LYRM4: variants seen among roughly 807,000 people sequenced by gnomAD.
The protein encoded by LYRM4 is LYR motif containing 4, also known as LYR motif-containing protein 4.
A neutral mutation model predicts 11.7 loss-of-function variants in LYRM4; 9 were observed. That is an observed-to-expected ratio of 0.77 (90% confidence interval 0.46 to 1.34). The LOEUF (loss-of-function observed/expected upper bound fraction) is 1.34, where lower values mean the gene tolerates loss of function less well. Among genes scored for constraint, LYRM4 ranks in the 40% most tolerant of loss-of-function variants. The pLI is 0.00. For missense variants in LYRM4, 133 were observed against 112.5 expected, an observed-to-expected ratio of 1.18 and a Z score of -0.82; for synonymous variants, 42 against 40.4, an observed-to-expected ratio of 1.04 and a Z score of -0.15.
At chr6:5,197,492 TG>T (rs1222520888) in intron 2 of LYRM4, among the ~76,000 whole-genome samples, 1 of 151,806 alleles carries the variant, frequency 6.6e-6, no homozygotes, top group African/African-American at 2.4e-5. Flanking sequence ...GCCAAGATGG[TG>T]AAACCCCGTC....
intron 2 of LYRM4, among the ~76,000 whole-genome samples, chr6:5,173,129 C>T (rs1759524152): frequency 6.6e-6 from 1 of 152,106 alleles, no homozygotes; most frequent in Non-Finnish European, 1.5e-5. Flanking sequence ...CTGCTAATGA[C>T]TTCTGCAGAC....
chr6:5,057,684 T>C, the LYRM4 span, among the ~76,000 whole-genome samples: 2 of 148,102 alleles, frequency 1.4e-5, no homozygotes, highest in African/African-American at 2.5e-5. Context: ...CACAGCACTC[T>C]AGCCTGGGCG....
At chr6:5,151,095 T>C (rs1758063493) in intron 2 of LYRM4, among the ~76,000 whole-genome samples, 1 of 151,554 alleles carries the variant, frequency 6.6e-6, no homozygotes, top group African/African-American at 2.4e-5. Context: ...TTTTTTTTTT[T>C]TTTTTTTGCA....
downstream of LYRM4, among the ~76,000 whole-genome samples, chr6:5,099,391 C>CTCTATCTATCTATCTA (rs58771475): frequency 0.027 from 3,967 of 145,506 alleles, 68 homozygotes; most frequent in East Asian, 0.033. The surrounding 1 kb of genome is among the most constrained non-coding windows in gnomAD (Gnocchi z 4.3). Flanking sequence ...AAATCTATTT[C>CTCTATCTATCTATCTA]TCTATCTATC....
chr6:5,044,645 A>C, the LYRM4 span, among the ~76,000 whole-genome samples: 1 of 152,184 alleles, frequency 6.6e-6, no homozygotes, highest in Non-Finnish European at 1.5e-5. Flanking sequence ...CAACAGAAGA[A>C]AATGTATCCC....
chr6:5,162,060 C>A (rs1299853791), intron 2 of LYRM4, among the ~76,000 whole-genome samples: 3 of 152,176 alleles, frequency 2.0e-5, no homozygotes, highest in Non-Finnish European at 4.4e-5. Flanking sequence ...AACCCAGCCA[C>A]AACACAAGTC....
At chr6:5,053,868 C>T in the LYRM4 span, among the ~76,000 whole-genome samples, 3,282 of 152,124 alleles carry the variant, frequency 0.022, 119 homozygotes, top group African/African-American at 0.074. Context: ...TGCCTTCTGC[C>T]TATTACAGTA....
chr6:5,113,460 AAGG>A (rs1399838977), intron 2 of LYRM4: 2 of 326,986 alleles, frequency 6.1e-6, no homozygotes, highest in Admixed American at 7.5e-5. Flanking sequence ...TCCAGCTTGG[AAGG>A]AGGAGTGGCA....
chr6:5,098,774 TCACTTG>T (rs1762413877), downstream of LYRM4, among the ~76,000 whole-genome samples: 1 of 152,190 alleles, frequency 6.6e-6, no homozygotes, highest in Admixed American at 6.5e-5. Context: ...CCTGGTGTTC[TCACTTG>T]CCAACTGTGT....
chr6:5,233,233 T>C (rs1297870345), intron 1 of LYRM4, among the ~76,000 whole-genome samples: 1 of 152,196 alleles, frequency 6.6e-6, no homozygotes, highest in Admixed American at 6.5e-5. Flanking sequence ...GGGAGGGCCT[T>C]CTGATTGCCT....
intron 2 of LYRM4, chr6:5,144,278 G>A (rs1439667295): frequency 2.6e-6 from 4 of 1,537,002 alleles, no homozygotes; most frequent in South Asian, 2.4e-5. Flanking sequence ...CTGAGATACA[G>A]GCAAGTCTTG....
At chr6:5,245,035 G>A (rs534486055) in intron 1 of LYRM4, among the ~76,000 whole-genome samples, 3 of 133,862 alleles carry the variant, frequency 2.2e-5, no homozygotes, top group African/African-American at 8.3e-5. Flanking sequence ...ACACATATGT[G>A]ACACTGATCC....
the LYRM4 span, among the ~76,000 whole-genome samples, chr6:5,070,869 GAAAAAA>G: frequency 2.1e-5 from 1 of 48,096 alleles, no homozygotes; most frequent in African/African-American, 6.9e-5. Context: ...ACCCTGTCTT[GAAAAAA>G]AAAAAAAAAA....
chr6:5,051,786 T>C, the LYRM4 span, among the ~76,000 whole-genome samples: 9 of 152,132 alleles, frequency 5.9e-5, no homozygotes, highest in Admixed American at 5.2e-4. Context: ...AGTTCAAGAT[T>C]GGGCATCTAA....
chr6:5,140,186 C>T (rs1186483355), intron 2 of LYRM4, among the ~76,000 whole-genome samples: 2 of 151,224 alleles, frequency 1.3e-5, no homozygotes, highest in African/African-American at 4.9e-5. Flanking sequence ...CGTGATCGCA[C>T]CACTGCCTCC....
intron 2 of LYRM4, among the ~76,000 whole-genome samples, chr6:5,130,894 T>C (rs1235974245): frequency 6.6e-6 from 1 of 152,048 alleles, no homozygotes. Context: ...AATAGTCACT[T>C]GATAAAAACC....
At chr6:5,084,248 C>T in the LYRM4 span, among the ~76,000 whole-genome samples, 1 of 152,216 alleles carries the variant, frequency 6.6e-6, no homozygotes, top group Non-Finnish European at 1.5e-5. Flanking sequence ...AAGAAAAACA[C>T]CACTTTTAGA....
rs1759389594 is a variant in LYRM4, at chr6:5,170,884, T to C, written c.207+45734A>G. Among the ~76,000 whole-genome samples the C allele has an allele frequency of 3.9e-5, 6 of 152,246 alleles. No homozygotes were observed. In the South Asian group the frequency reaches 8.3e-4, roughly 21 times the overall value. On this transcript the variant is annotated intron_variant, in intron 2 of 2. Transcript: ENST00000330636. ...CCACTTAAAGAAGCAAAAGCTGAAG[T>C]GACCTAACGGTCCACCATTAGGGGT...
At chr6:5,089,226 T>C in the LYRM4 span, 1 of 152,200 alleles carries the variant, frequency 6.6e-6, no homozygotes, top group African/African-American at 2.4e-5. Context: ...AATTTTTCTG[T>C]TACTAAATAT....
Sources: allele counts gnomAD v4.1 joint callset (sites outside exome capture counted in the v4.1 genomes callset), GRCh38; gene constraint gnomAD v4.1.1; non-coding constraint Gnocchi (gnomAD v3.1); transcripts MANE v1.5; gene names NCBI Gene and HGNC (gene_info 2026-07-23, HGNC 2026-07-21).